Variants in FAM107B observed in about 807,000 individuals in gnomAD.
FAM107B encodes the protein family with sequence similarity 107 member B, also known as protein FAM107B.
A neutral mutation model predicts 31.5 loss-of-function variants in FAM107B; 21 were observed. The ratio of observed to expected loss-of-function variants is 0.67; its 90% CI spans 0.47 to 0.96. The LOEUF (loss-of-function observed/expected upper bound fraction) is 0.96, where lower values mean the gene tolerates loss of function less well. Ranked by LOEUF, FAM107B falls within the 40% of genes least tolerant of loss-of-function variation. FAM107B has a pLI of 0.00. For synonymous variants in FAM107B, 157 were observed against 141.5 expected, an observed-to-expected ratio of 1.11 and a Z score of -0.78; for missense variants, 452 against 377.1, an observed-to-expected ratio of 1.20 and a Z score of -1.64.
intron 2 of FAM107B, among the ~76,000 whole-genome samples, chr10:14,532,353 CAAAGTTAATGTGA>C (rs1229350991): frequency 2.0e-5 from 3 of 152,068 alleles, no homozygotes; most frequent in Non-Finnish European, 4.4e-5. Context: ...AACATCTTTA[CAAAGTTAATGTGA>C]AAATAAAGAG....
chr10:14,622,541 G>A lies in FAM107B; in HGVS notation c.469+45093C>T, dbSNP rs1247020634. ...AGGCTGGTCTGGAACTCCTGACCTC[G>A]TGATCCACCCGCCTTGGCCTCCCAA... On this transcript the variant is annotated intron_variant, in intron 2 of 4. Transcript: ENST00000181796. 7.9e-5 allele frequency among the ~76,000 whole-genome samples: 12 copies of A among 152,140 alleles called. No homozygotes were observed. The East Asian group carries it at 9.7e-4, about 12-fold the overall frequency.
chr10:14,562,205 C>T (rs1432951079), intron 2 of FAM107B, among the ~76,000 whole-genome samples: 2 of 152,122 alleles, frequency 1.3e-5, no homozygotes, highest in Admixed American at 6.5e-5. Context: ...ATATAATATC[C>T]TCAATTGTTT....
chr10:14,558,604 CT>C (rs1849923212), intron 2 of FAM107B, among the ~76,000 whole-genome samples: 1 of 150,710 alleles, frequency 6.6e-6, no homozygotes, highest in Non-Finnish European at 1.5e-5. Context: ...TTTTTTTTAA[CT>C]GTATTCCTTC....
intron 2 of FAM107B, among the ~76,000 whole-genome samples, chr10:14,600,523 G>A (rs1056556245): frequency 6.6e-6 from 1 of 151,868 alleles, no homozygotes; most frequent in Non-Finnish European, 1.5e-5. Flanking sequence ...ACCTTCAATG[G>A]CATTGACATC....
At chr10:14,745,418 G>A (rs1280028412) in intron 1 of FAM107B, among the ~76,000 whole-genome samples, 1 of 151,980 alleles carries the variant, frequency 6.6e-6, no homozygotes, top group East Asian at 1.9e-4. Context: ...GATCTTTCTA[G>A]CTTTTTGATG....
chr10:14,631,310 C>T (rs1018681700), intron 2 of FAM107B, among the ~76,000 whole-genome samples: 1 of 152,190 alleles, frequency 6.6e-6, no homozygotes, highest in Non-Finnish European at 1.5e-5. Context: ...ACATCTCCTT[C>T]TAGCCAACAT....
rs1330076601 is a variant in FAM107B, at chr10:14,530,412, C to A, written c.573G>T (p.Arg191Ser). 1 of 1,614,038 alleles carries A rather than the reference C, an allele frequency of 6.2e-7. No individual in the cohort carries two copies. The change falls in exon 3 of 5, where the codon AGG becomes AGT. Residue 191 changes from arginine to serine, a missense_variant. Transcript: ENST00000181796. ...TTACAGGATTGATCAGTTTCTGAGG[C>A]CTAATGAGTTCAGGATTGTCATCTT... Reference protein sequence around the residue: ...YIEDDNPELIRPQKLINPVKT... With the variant: ...YIEDDNPELISPQKLINPVKT...
intron 2 of FAM107B, among the ~76,000 whole-genome samples, chr10:14,586,027 G>A (rs1159862378): frequency 6.6e-6 from 1 of 152,194 alleles, no homozygotes; most frequent in Non-Finnish European, 1.5e-5. Context: ...GTGCAGGGGT[G>A]CTCCCAGCCA....
In FAM107B at chr10:14,521,174, T is replaced by C; in HGVS notation, c.*16A>G. ...GCTCTGTGGGGTGACACACGAGGTCTTGGTGCAGCCTCAGCCTAGGACTCC... is the reference window on the plus strand; with the variant it reads ...GCTCTGTGGGGTGACACACGAGGTCCTGGTGCAGCCTCAGCCTAGGACTCC... On this transcript the variant is annotated 3_prime_UTR_variant, in exon 5 of 5. Transcript: ENST00000181796. 1 of 1,605,530 alleles carries C rather than the reference T, an allele frequency of 6.2e-7. No homozygotes were observed. Among genetic ancestry groups the C allele is most frequent in the Non-Finnish European group, 8.5e-7 (1 of 1,172,458 alleles).
chr10:14,578,551 A>C (rs1340385155), intron 2 of FAM107B, among the ~76,000 whole-genome samples: 1 of 152,128 alleles, frequency 6.6e-6, no homozygotes, highest in African/African-American at 2.4e-5. Flanking sequence ...ACCTTGCCAA[A>C]TTGCTCACTT....
intron 2 of FAM107B, among the ~76,000 whole-genome samples, chr10:14,665,580 T>A (rs1222425348): frequency 2.6e-5 from 4 of 152,174 alleles, no homozygotes; most frequent in Non-Finnish European, 5.9e-5. Context: ...GCAATGACCA[T>A]CCTCCCAGCC....
chr10:14,659,061 G>C (rs1459928067), intron 2 of FAM107B, among the ~76,000 whole-genome samples: 1 of 152,190 alleles, frequency 6.6e-6, no homozygotes, highest in East Asian at 1.9e-4. Flanking sequence ...GTCCCATAAA[G>C]AGTCTGGGGA....
At chr10:14,527,215 C>T (rs1221898584) in intron 3 of FAM107B, among the ~76,000 whole-genome samples, 1 of 151,698 alleles carries the variant, frequency 6.6e-6, no homozygotes, top group Non-Finnish European at 1.5e-5. Flanking sequence ...TGAAATCTGC[C>T]TTTTTATACT....
chr10:14,650,307 C>G (rs758610806), intron 2 of FAM107B, among the ~76,000 whole-genome samples: 13 of 151,068 alleles, frequency 8.6e-5, no homozygotes, highest in Non-Finnish European at 1.6e-4. Flanking sequence ...TTTCTTTTGC[C>G]ATTGAGATGG....
intron 1 of FAM107B, among the ~76,000 whole-genome samples, chr10:14,688,088 A>G (rs1411466525): frequency 2.6e-5 from 4 of 152,316 alleles, no homozygotes; most frequent in Non-Finnish European, 5.9e-5. Context: ...AGCAGGCAGG[A>G]GAAATTGGGA....
chr10:14,634,116 G>A (rs1200411731), intron 2 of FAM107B, among the ~76,000 whole-genome samples: 2 of 152,132 alleles, frequency 1.3e-5, no homozygotes, highest in African/African-American at 2.4e-5. Context: ...AAGATTTCAG[G>A]CCAGGCGCTG....
chr10:14,524,468 A>G lies in FAM107B; in HGVS notation c.654-2449T>C, dbSNP rs553083064. ...GGCCAAATTTCCAGGGAAACAAAAG[A>G]GGCAGGTGACTTTTGTGATTTAATT... On this transcript the variant is annotated intron_variant, in intron 3 of 4. Coordinates refer to ENST00000181796, the MANE Select transcript of FAM107B (RefSeq NM_031453.4). 1.4e-4 allele frequency among the ~76,000 whole-genome samples: 22 copies of G among 152,332 alleles called. No individual in the cohort carries two copies. The East Asian group carries it at 2.1e-3, about 15-fold the overall frequency.
chr10:14,568,816 GGGGA>G (rs1850936119), intron 2 of FAM107B, among the ~76,000 whole-genome samples: 2 of 151,696 alleles, frequency 1.3e-5, no homozygotes, highest in African/African-American at 4.9e-5. Flanking sequence ...GGGGTGGAAG[GGGGA>G]GGCAAAGAGC....
chr10:14,542,677 C>A (rs1848327568), intron 2 of FAM107B: 1 of 152,190 alleles, frequency 6.6e-6, no homozygotes. Context: ...TTCATTTGAT[C>A]TTGAAAGAGC....
Sources: gnomAD v4.1 joint callset for allele counts (sites outside exome capture counted in the v4.1 genomes callset) on GRCh38, gnomAD v4.1.1 for gene constraint, MANE v1.5 for transcripts, NCBI Gene and HGNC (gene_info 2026-07-23, HGNC 2026-07-21) for gene names.